HTT: variants seen among roughly 807,000 people sequenced by gnomAD.
HTT encodes the protein huntington disease protein.
Under a neutral mutation model 362.3 loss-of-function variants are expected in HTT, and 104 were observed. The observed-to-expected ratio is 0.29, with a 90% CI of 0.24 to 0.34. The LOEUF (loss-of-function observed/expected upper bound fraction) is 0.34. HTT is among the 10% of genes least tolerant of loss of function. The pLI is 1.00. For synonymous variants in HTT, 1,577 were observed against 1,548.7 expected, an observed-to-expected ratio of 1.02 and a Z score of -0.43; for missense variants, 3,301 against 3,928.6, an observed-to-expected ratio of 0.84 and a Z score of 4.27.
intron 1 of HTT, among the ~76,000 whole-genome samples, chr4:3,079,345 C>T (rs908838610): frequency 1.4e-5 from 2 of 147,796 alleles, no homozygotes; most frequent in Non-Finnish European, 3.0e-5. Context: ...CAGCCTTGAA[C>T]TCCTGGGCTC....
chr4:3,156,029 G>A (rs539557203), intron 27 of HTT, among the ~76,000 whole-genome samples: 10 of 152,228 alleles, frequency 6.6e-5, no homozygotes, highest in African/African-American at 2.2e-4. Flanking sequence ...CTTGCATATG[G>A]TACATTGCTA....
chr4:3,121,145 T>A (rs539065543), intron 8 of HTT, 83 bp from the exon 9 acceptor site: 76 of 918,600 alleles, frequency 8.3e-5, no homozygotes, highest in Non-Finnish European at 1.2e-4. Context: ...GTCAATGAAG[T>A]CCTATTAAAA....
chr4:3,145,614 A>G (rs138267313), intron 24 of HTT, among the ~76,000 whole-genome samples: 148 of 152,320 alleles, frequency 9.7e-4, no homozygotes, highest in African/African-American at 3.3e-3. Context: ...TGATTTAGGA[A>G]CTACTGTTCT....
intron 36 of HTT, among the ~76,000 whole-genome samples, chr4:3,181,024 GCACCAC>G (rs1718501459): frequency 6.6e-6 from 1 of 151,836 alleles, no homozygotes; most frequent in African/African-American, 2.4e-5. Context: ...TTACAGGCAT[GCACCAC>G]CATGCCCAGC....
chr4:3,237,170 T>A (rs1409488466), intron 64 of HTT, among the ~76,000 whole-genome samples: 1 of 151,670 alleles, frequency 6.6e-6, no homozygotes, highest in Non-Finnish European at 1.5e-5. Context: ...GCCTCCCGGG[T>A]TCAAGTGATT....
chr4:3,148,214 TC>T lies in HTT; in HGVS notation c.3498+10del. The T allele has an allele frequency of 6.4e-7, 1 of 1,553,986 alleles. No homozygotes were observed. On this transcript the variant is annotated splice_region_variant and intron_variant, in intron 26 of 66. Transcript: ENST00000355072. ...TCCTGGACCCGCAATAAAGGTAATG[TC>T]CCACTTGGGTGCTGGATTCATACAG...
Position 3,214,117 on chromosome 4 carries a change from C to T in HTT, c.6934C>T (p.His2312Tyr). 2 of 1,533,502 alleles carry T rather than the reference C, an allele frequency of 1.3e-6. No homozygotes were observed. The highest frequency in any genetic ancestry group is 1.8e-6 in the Non-Finnish European group (2 of 1,130,532). The allele number at this position is 1,533,502 out of a possible 1,614,324, so 95.0% of individuals were successfully genotyped here. ...THACSLIYCV[H>Y]FILEAVAVQP... ...CGCCTGCTCCCTCATCTACTGTGTG[C>T]ACTTCATCCTGGAGGCCGGTGAGTC... The change falls in exon 50 of 67, where the codon CAC becomes TAC. Residue 2312 changes from histidine (H) to tyrosine (Y), a missense_variant. His to Tyr is a moderately conservative substitution (Grantham distance 83). Transcript: ENST00000355072.
chr4:3,219,789 A>C (rs1720591627), intron 52 of HTT, among the ~76,000 whole-genome samples: 1 of 152,148 alleles, frequency 6.6e-6, no homozygotes, highest in Non-Finnish European at 1.5e-5. Flanking sequence ...TGTATGGTTC[A>C]TTTTCATGCC....
At chr4:3,185,010 G>A (rs1718697605) in intron 37 of HTT, among the ~76,000 whole-genome samples, 1 of 152,156 alleles carries the variant, frequency 6.6e-6, no homozygotes, top group Non-Finnish European at 1.5e-5. Flanking sequence ...CCCAGGTTTG[G>A]CAGCACCGAG....
intron 5 of HTT, among the ~76,000 whole-genome samples, chr4:3,106,743 C>T (rs979596582): frequency 6.6e-6 from 1 of 152,098 alleles, no homozygotes; most frequent in African/African-American, 2.4e-5. Flanking sequence ...TTTCCCCAGC[C>T]ACCCTCTGAG....
rs1714483442 is a variant in HTT at position 3,107,327 on chromosome 4, C to G, written c.651C>G (p.Ser217Arg). The G allele has an allele frequency of 1.2e-6, 2 of 1,614,212 alleles. No individual in the cohort carries two copies. Among genetic ancestry groups the G allele is most frequent in the Non-Finnish European group, 8.5e-7 (1 of 1,180,014 alleles). Reference sequence around the variant, plus strand: ...TTCTGCCGTGCCTGACTCGAACAAGCAAGAGACCCGAAGAATCAGTCCAGG... The same window carrying G: ...TTCTGCCGTGCCTGACTCGAACAAGGAAGAGACCCGAAGAATCAGTCCAGG... ...VNLLPCLTRTSKRPEESVQET... is the reference protein window; with the variant it reads ...VNLLPCLTRTRKRPEESVQET... Residue 217 changes from serine to arginine, a missense_variant, in exon 6 of 67, where the codon AGC becomes AGG. Physicochemically the swap from Ser to Arg is moderately radical, Grantham distance 110 (BLOSUM62 -1). Around this residue, in one of 4 missense-constraint regions of HTT, gnomAD observed 2,316 missense variants for 2,658.5 expected, o/e 0.87. Transcript: ENST00000355072.
intron 60 of HTT, among the ~76,000 whole-genome samples, chr4:3,232,121 A>G (rs933715387): frequency 6.6e-6 from 1 of 152,118 alleles, no homozygotes; most frequent in Non-Finnish European, 1.5e-5. Flanking sequence ...GGCCGTACGC[A>G]GTCCTTAGGG....
Position 3,240,421 on chromosome 4 carries a change from C to G in HTT, c.*362C>G, listed in dbSNP as rs362268. 0.27 allele frequency: 86,277 copies of G among 322,448 alleles called. 13,359 individuals are homozygous for G. Among genetic ancestry groups the G allele is most frequent in the East Asian group, 0.39 (4,774 of 12,336 alleles). The allele number at this position is 322,448 out of a possible 1,614,324, so 20.0% of individuals were successfully genotyped here. On this transcript the variant is annotated 3_prime_UTR_variant, in exon 67 of 67. Coordinates refer to ENST00000355072, the MANE Select transcript of HTT (RefSeq NM_001388492.1). ...AGAAGTCCTCCCTCCTGCAGGCTGGCTGTTGGCCCCTCTGCTGTCCTGCAG... is the reference window on the plus strand; with the variant it reads ...AGAAGTCCTCCCTCCTGCAGGCTGGGTGTTGGCCCCTCTGCTGTCCTGCAG...
intron 21 of HTT, 104 bp from the exon 22 acceptor site, chr4:3,140,406 G>A (rs1286878657): frequency 1.1e-6 from 1 of 925,498 alleles, no homozygotes; most frequent in Non-Finnish European, 1.7e-6. Context: ...GGTGTCCGCT[G>A]GTAACCAGAG....
chr4:3,187,119 A>G (rs1718801836), intron 38 of HTT, among the ~76,000 whole-genome samples: 1 of 150,556 alleles, frequency 6.6e-6, no homozygotes, highest in Non-Finnish European at 1.5e-5. Flanking sequence ...TCAGCCTCCC[A>G]AAGTGCTGGG....
At position 3,199,901 on chromosome 4, in the gene HTT, C is replaced by T. The variant is rs1457612949; in HGVS notation, c.5538C>T (p.Thr1846=). Residue 1846 remains threonine, a synonymous_variant, in exon 41 of 67, where the codon ACC becomes ACT. Transcript: ENST00000355072. ...AGATACTGCTGCTTGTCAACCACACCGACTACCGCTGGTGGGCAGAAGTGC... is the reference window on the plus strand; with the variant it reads ...AGATACTGCTGCTTGTCAACCACACTGACTACCGCTGGTGGGCAGAAGTGC... ...WCQILLLVNH[T]DYRWWAEVQQ... 4.3e-6 allele frequency: 7 copies of T among 1,613,950 alleles called. No homozygotes were observed. Among genetic ancestry groups the T allele is most frequent in the Non-Finnish European group, 5.9e-6 (7 of 1,179,998 alleles).
chr4:3,220,352 T>C, intron 53 of HTT, 44 bp downstream of exon 53: 1 of 1,591,284 alleles, frequency 6.3e-7, no homozygotes, highest in Non-Finnish European at 8.6e-7. Context: ...GTCGGACATC[T>C]ACCGGGAGGA....
chr4:3,155,769 G>A (rs1235076402), intron 27 of HTT, among the ~76,000 whole-genome samples: 6 of 143,780 alleles, frequency 4.2e-5, no homozygotes, highest in Admixed American at 1.4e-4. Flanking sequence ...ATGGTGGCTC[G>A]CGCCAGTCGT....
At chr4:3,204,663 A>G (rs1719766289) in intron 42 of HTT, among the ~76,000 whole-genome samples, 2 of 152,110 alleles carry the variant, frequency 1.3e-5, no homozygotes, top group Admixed American at 1.3e-4. Context: ...ACCCATCTCT[A>G]AAAAAATAAA....
Sources: gnomAD v4.1 joint callset for allele counts (sites outside exome capture counted in the v4.1 genomes callset) on GRCh38, gnomAD v4.1.1 for gene constraint, gnomAD v4.1.1 regional missense constraint, MANE v1.5 for transcripts, NCBI Gene and HGNC (gene_info 2026-07-23, HGNC 2026-07-21) for gene names.